SBF2: variants seen among roughly 807,000 people sequenced by gnomAD.
SBF2 encodes the protein SET binding factor 2.
In SBF2, 112 loss-of-function variants were observed where a neutral mutation model predicts 225.2. The observed-to-expected ratio is 0.50, with a 90% CI of 0.43 to 0.58. SBF2 has a LOEUF of 0.58. Among genes scored for constraint, SBF2 ranks in the 20% least tolerant of loss-of-function variants. The pLI is 0.00. For synonymous variants in SBF2, 763 were observed against 773.3 expected (o/e 0.99, Z 0.22); for missense variants, 1,996 against 2,206.2 (o/e 0.90, Z 1.91).
intron 2 of SBF2, among the ~76,000 whole-genome samples, chr11:10,078,489 T>G (rs897022433): frequency 2.0e-5 from 3 of 152,100 alleles, no homozygotes; most frequent in African/African-American, 7.2e-5. Flanking sequence ...GGGACATGGA[T>G]GAAACTGGAA....
At chr11:9,855,718 C>T (rs1373489517) in intron 19 of SBF2, among the ~76,000 whole-genome samples, 12 of 152,012 alleles carry the variant, frequency 7.9e-5, no homozygotes, top group African/African-American at 2.9e-4. Flanking sequence ...AAAGACAATG[C>T]AAAGTAGGAG....
chr11:10,187,490 T>C (rs2135308914), intron 2 of SBF2, among the ~76,000 whole-genome samples: 1 of 152,046 alleles, frequency 6.6e-6, no homozygotes, highest in South Asian at 2.1e-4. Flanking sequence ...GCTCATCTCC[T>C]CCCCTGCCTT....
Position 9,871,910 on chromosome 11 carries a change from G to C in SBF2, c.1930-13514C>G, listed in dbSNP as rs868301400. Among the ~76,000 whole-genome samples, 27 of 152,270 alleles carry C rather than the reference G, an allele frequency of 1.8e-4. No individual in the cohort carries two copies. In the Middle Eastern group the frequency reaches 0.027, roughly 153 times the overall value. The stretch of plus-strand genomic sequence containing the variant: ...TTCAACCCTTGTGGAAGACAGTGTG[G>C]TGATTCCTCAAAGATCTAAAGGCAG... On this transcript the variant is annotated intron_variant, in intron 17 of 39. Transcript: ENST00000256190.
chr11:10,086,186 A>T (rs902102583), intron 2 of SBF2, among the ~76,000 whole-genome samples: 2 of 151,716 alleles, frequency 1.3e-5, no homozygotes, highest in African/African-American at 4.8e-5. Flanking sequence ...TTGGCAATTG[A>T]GGTGTTTATC....
intron 2 of SBF2, among the ~76,000 whole-genome samples, chr11:10,186,628 G>T (rs960705241): frequency 1.3e-5 from 2 of 152,098 alleles, no homozygotes; most frequent in African/African-American, 2.4e-5. Context: ...CACTAAGTAG[G>T]CATAACTGGT....
intron 2 of SBF2, among the ~76,000 whole-genome samples, chr11:10,100,336 G>A (rs1041874063): frequency 2.6e-5 from 4 of 152,194 alleles, no homozygotes; most frequent in Non-Finnish European, 4.4e-5. Flanking sequence ...TTGGAGGCTC[G>A]TCTGGGATTG....
intron 2 of SBF2, among the ~76,000 whole-genome samples, chr11:10,154,257 T>A (rs1955360901): frequency 1.3e-5 from 2 of 152,112 alleles, no homozygotes; most frequent in South Asian, 4.1e-4. Context: ...TTCTAAGAAA[T>A]CCTTAATTAG....
At position 10,303,376 on chromosome 11, in the gene SBF2, G is replaced by A. The variant is rs1964615799; in HGVS notation, n.386+1116C>T. 1 of 152,348 alleles carries A rather than the reference G, an allele frequency of 6.6e-6. No homozygotes were observed. Among genetic ancestry groups the A allele is most frequent in the South Asian group, 2.1e-4 (1 of 4,836 alleles). 9.4% of individuals were successfully genotyped at this position (152,348 alleles called of 1,614,324 possible). A position where few individuals can be genotyped will look rare whatever the true frequency, so the allele number is the denominator to read the frequency against. On this transcript the variant is annotated intron_variant and non_coding_transcript_variant, in intron 1 of 5. Transcript: ENST00000685217. This position sits in a 1 kb window ranked among gnomAD's most constrained non-coding sequence, Gnocchi z 5.2. The stretch of plus-strand genomic sequence containing the variant: ...CCGCTCAGGTGACTCCTTCCAGGAA[G>A]AGTCCTTAAATAACTTCCGCGCGGC...
At chr11:10,036,542 GA>G (rs1196146247) in intron 3 of SBF2, among the ~76,000 whole-genome samples, 2 of 152,062 alleles carry the variant, frequency 1.3e-5, no homozygotes, top group African/African-American at 4.8e-5. Flanking sequence ...TAACATGACA[GA>G]ATAAGAAAAA....
intron 16 of SBF2, among the ~76,000 whole-genome samples, chr11:9,942,937 A>AGG: frequency 6.6e-6 from 1 of 150,412 alleles, no homozygotes; most frequent in African/African-American, 2.4e-5. Flanking sequence ...GAAAGAAAGA[A>AGG]AGAAGGAAGG....
intron 3 of SBF2, among the ~76,000 whole-genome samples, chr11:10,038,042 A>G (rs145407867): frequency 4.0e-4 from 61 of 152,120 alleles, no homozygotes; most frequent in African/African-American, 1.2e-3. Flanking sequence ...TAAAGCTTCT[A>G]TTGTTGGACA....
intron 1 of SBF2, among the ~76,000 whole-genome samples, chr11:10,217,188 T>C (rs764345452): frequency 3.3e-5 from 5 of 152,142 alleles, no homozygotes; most frequent in Non-Finnish European, 7.4e-5. Context: ...TTATTAAAAA[T>C]ACAAAATTCC....
chr11:10,188,930 C>T (rs138350013), intron 2 of SBF2, among the ~76,000 whole-genome samples: 71 of 152,300 alleles, frequency 4.7e-4, no homozygotes, highest in Non-Finnish European at 8.5e-4. Flanking sequence ...CTTCATACTT[C>T]GTAGCAGTTT....
chr11:10,062,488 TATAAG>T (rs1352425929), intron 2 of SBF2, among the ~76,000 whole-genome samples: 7 of 151,968 alleles, frequency 4.6e-5, no homozygotes, highest in African/African-American at 9.7e-5. Context: ...TAAACAAATT[TATAAG>T]AGAAGAACAA....
chr11:10,060,310 C>A (rs1460553103), intron 2 of SBF2, among the ~76,000 whole-genome samples: 1 of 152,244 alleles, frequency 6.6e-6, no homozygotes, highest in East Asian at 1.9e-4. Context: ...GACACATATA[C>A]CCTCCCAAGA....
intron 2 of SBF2, among the ~76,000 whole-genome samples, chr11:10,165,619 A>T (rs1955916331): frequency 6.6e-6 from 1 of 152,174 alleles, no homozygotes; most frequent in Non-Finnish European, 1.5e-5. Flanking sequence ...ACCAGCACTA[A>T]ACAGAACCAA....
chr11:9,789,364 TA>T, intron 34 of SBF2, 22 bp from the exon 35 acceptor site: 1 of 1,585,022 alleles, frequency 6.3e-7, no homozygotes. Flanking sequence ...AACAGAAATA[TA>T]GTTTCATCTT....
chr11:9,869,091 A>C (rs753696572), intron 17 of SBF2, among the ~76,000 whole-genome samples: 8 of 152,242 alleles, frequency 5.3e-5, no homozygotes, highest in Non-Finnish European at 1.0e-4. Context: ...CCTGTATTAG[A>C]AAAGCAGGAT....
chr11:9,804,357 G>A (rs1027961144), intron 32 of SBF2, among the ~76,000 whole-genome samples: 28 of 152,136 alleles, frequency 1.8e-4, no homozygotes, highest in African/African-American at 6.3e-4. Context: ...GTAGAAACAA[G>A]GTAGCTGCTG....
Sources: gnomAD v4.1 joint callset for allele counts (sites outside exome capture counted in the v4.1 genomes callset) on GRCh38, gnomAD v4.1.1 for gene constraint, Gnocchi (gnomAD v3.1) non-coding constraint, MANE v1.5 for transcripts, NCBI Gene and HGNC (gene_info 2026-07-23, HGNC 2026-07-21) for gene names.